EYS: variants seen among roughly 807,000 people sequenced by gnomAD.
The protein encoded by EYS is protein eyes shut homolog.
A neutral mutation model predicts 282.1 loss-of-function variants in EYS; 250 were observed. The observed-to-expected ratio is 0.89, with a 90% CI of 0.80 to 0.98. EYS has a LOEUF of 0.98. Among genes scored for constraint, EYS ranks in the 50% least tolerant of loss-of-function variants. The pLI is 0.00. For missense variants in EYS, 4,016 were observed against 3,709.0 expected (o/e 1.08, Z -2.15); for synonymous variants, 1,355 against 1,282.9 (o/e 1.06, Z -1.20).
intron 12 of EYS, among the ~76,000 whole-genome samples, chr6:65,130,707 T>C (rs1035587311): frequency 6.6e-6 from 1 of 151,360 alleles, no homozygotes; most frequent in Non-Finnish European, 1.5e-5. Flanking sequence ...GTACTAAGCT[T>C]AATACCTAGG....
At chr6:65,241,384 T>G (rs1767054802) in intron 12 of EYS, among the ~76,000 whole-genome samples, 1 of 152,084 alleles carries the variant, frequency 6.6e-6, no homozygotes, top group South Asian at 2.1e-4. Flanking sequence ...GTATAGGCTT[T>G]TATTCTGTTT....
intron 22 of EYS, among the ~76,000 whole-genome samples, chr6:64,664,737 A>G (rs1307144382): frequency 6.6e-6 from 1 of 152,198 alleles, no homozygotes; most frequent in Non-Finnish European, 1.5e-5. Flanking sequence ...TCATGAGAAC[A>G]CAGTAAGAAG....
chr6:64,296,063 G>A (rs1275467516), intron 30 of EYS, among the ~76,000 whole-genome samples: 4 of 152,126 alleles, frequency 2.6e-5, no homozygotes, highest in Admixed American at 6.5e-5. Flanking sequence ...TAATTTAATT[G>A]AGTATAAAAT....
chr6:63,734,202 G>T (rs1298857609), intron 41 of EYS, among the ~76,000 whole-genome samples: 1 of 152,068 alleles, frequency 6.6e-6, no homozygotes, highest in Middle Eastern at 3.2e-3. Context: ...GGGTTCAATT[G>T]TACCTCCAAC....
At chr6:65,122,624 C>T (rs1346550890) in intron 12 of EYS, among the ~76,000 whole-genome samples, 1 of 152,054 alleles carries the variant, frequency 6.6e-6, no homozygotes. Flanking sequence ...TCACACACCA[C>T]TGAACTGTCT....
At chr6:64,000,490 G>A (rs566539318) in intron 33 of EYS, among the ~76,000 whole-genome samples, 3 of 151,616 alleles carry the variant, frequency 2.0e-5, no homozygotes, top group South Asian at 2.1e-4. Context: ...GTGAGCCACC[G>A]AGCCCGGCAG....
In EYS at chr6:65,377,612, A is replaced by T. The variant is rs74181244; in HGVS notation, c.1299+6774T>A. ...CTGTTCTTTTGAAAAGATTAAAAAA[A>T]TAGATAGACCACTAGCCAGTCTAAA... is the stretch of plus-strand genomic sequence containing the variant. On this transcript the variant is annotated intron_variant, in intron 8 of 42. Coordinates refer to ENST00000503581, the MANE Select transcript of EYS (RefSeq NM_001142800.2). Among the ~76,000 whole-genome samples, 90 of 152,178 alleles carry T rather than the reference A, an allele frequency of 5.9e-4. No individual in the cohort carries two copies. In the East Asian group the frequency reaches 7.2e-3, roughly 12 times the overall value.
chr6:64,440,143 T>G (rs2150467091), intron 26 of EYS, among the ~76,000 whole-genome samples: 1 of 152,032 alleles, frequency 6.6e-6, no homozygotes, highest in East Asian at 1.9e-4. Context: ...CTTTTAAAAC[T>G]TTCGAATTAT....
chr6:65,250,830 TTAA>T, intron 12 of EYS, among the ~76,000 whole-genome samples: 2 of 151,124 alleles, frequency 1.3e-5, no homozygotes, highest in Admixed American at 1.3e-4. Flanking sequence ...AAAAAAAAAA[TTAA>T]TCTACCGTAA....
chr6:65,386,581 C>T (rs1260885695), intron 7 of EYS, among the ~76,000 whole-genome samples: 2 of 151,848 alleles, frequency 1.3e-5, no homozygotes, highest in African/African-American at 4.8e-5. Context: ...TCAATAGTAG[C>T]CTTGACATTT....
At chr6:64,171,005 T>C (rs1333735496) in intron 31 of EYS, among the ~76,000 whole-genome samples, 5 of 152,154 alleles carry the variant, frequency 3.3e-5, no homozygotes, top group Non-Finnish European at 5.9e-5. Context: ...CTTATGCCTT[T>C]ACCCCTGAAC....
At chr6:64,091,484 T>A (rs1772358617) in intron 31 of EYS, among the ~76,000 whole-genome samples, 1 of 152,078 alleles carries the variant, frequency 6.6e-6, no homozygotes, top group Admixed American at 6.6e-5. Context: ...GGTACATGAG[T>A]AATATTTTGC....
intron 14 of EYS, among the ~76,000 whole-genome samples, chr6:64,951,692 C>T (rs1008163467): frequency 2.0e-5 from 3 of 151,448 alleles, no homozygotes; most frequent in African/African-American, 2.4e-5. Context: ...AAAATTATAA[C>T]CTGAAATTTA....
At chr6:64,532,781 T>G (rs935248502) in intron 26 of EYS, among the ~76,000 whole-genome samples, 3 of 152,160 alleles carry the variant, frequency 2.0e-5, no homozygotes, top group African/African-American at 7.2e-5. Flanking sequence ...ATGTTTGTGA[T>G]TCTTTCCCAC....
chr6:64,123,976 T>C (rs990743770), intron 31 of EYS, among the ~76,000 whole-genome samples: 1 of 152,256 alleles, frequency 6.6e-6, no homozygotes, highest in African/African-American at 2.4e-5. Context: ...TTAGATAAAA[T>C]GATAAGGCAG....
intron 19 of EYS, among the ~76,000 whole-genome samples, chr6:64,868,790 A>G (rs1298729014): frequency 2.0e-5 from 3 of 151,512 alleles, no homozygotes; most frequent in Non-Finnish European, 4.4e-5. Context: ...AATTATACAA[A>G]CAGGCCATCA....
intron 31 of EYS, among the ~76,000 whole-genome samples, chr6:64,134,414 A>G (rs1774091942): frequency 6.6e-6 from 1 of 152,198 alleles, no homozygotes; most frequent in African/African-American, 2.4e-5. Flanking sequence ...AAATACTAAA[A>G]AGGTTATGAA....
At chr6:64,359,013 C>G (rs1771921346) in intron 29 of EYS, among the ~76,000 whole-genome samples, 1 of 151,498 alleles carries the variant, frequency 6.6e-6, no homozygotes, top group Non-Finnish European at 1.5e-5. Context: ...AAGTTTCGGG[C>G]ATTTAAGAGA....
chr6:65,689,134 A>T (rs1191882437), intron 1 of EYS, among the ~76,000 whole-genome samples: 1 of 150,204 alleles, frequency 6.7e-6, no homozygotes, highest in East Asian at 2.3e-4. Context: ...CAAACGTCCA[A>T]CAATGATAGA....
Sources: gnomAD v4.1 joint callset for allele counts (sites outside exome capture counted in the v4.1 genomes callset) on GRCh38, gnomAD v4.1.1 for gene constraint, MANE v1.5 for transcripts, NCBI Gene and HGNC (gene_info 2026-07-23, HGNC 2026-07-21) for gene names.